KIF18A: variants seen among roughly 807,000 people sequenced by gnomAD.
KIF18A encodes kinesin-like protein KIF18A.
In KIF18A, 67 loss-of-function variants were observed where a neutral mutation model predicts 103.3. The ratio of observed to expected loss-of-function variants is 0.65; its 90% CI spans 0.53 to 0.79. KIF18A has a LOEUF of 0.79. Ranked by LOEUF, KIF18A falls within the 30% of genes least tolerant of loss-of-function variation. The pLI, the probability that KIF18A is intolerant of heterozygous loss-of-function variation, is 0.00. For synonymous variants in KIF18A, 367 were observed against 355.5 expected, an observed-to-expected ratio of 1.03 and a Z score of -0.36; for missense variants, 1,032 against 1,062.5, an observed-to-expected ratio of 0.97 and a Z score of 0.40.
At chr11:28,056,319 T>A (rs568305833) in intron 13 of KIF18A, among the ~76,000 whole-genome samples, 1 of 152,052 alleles carries the variant, frequency 6.6e-6, no homozygotes, top group Non-Finnish European at 1.5e-5. Context: ...ATTGGAAATA[T>A]AGCGACTGAA....
intron 13 of KIF18A, among the ~76,000 whole-genome samples, chr11:28,043,724 C>G (rs1850593577): frequency 6.6e-6 from 1 of 151,550 alleles, no homozygotes; most frequent in Non-Finnish European, 1.5e-5. Context: ...TCAAAGCGCA[C>G]AAACCTCCTG....
chr11:28,106,035 C>A (rs1851499725), intron 1 of KIF18A, among the ~76,000 whole-genome samples: 1 of 152,156 alleles, frequency 6.6e-6, no homozygotes, highest in African/African-American at 2.4e-5. Flanking sequence ...TCAATTCAGT[C>A]AAAGATTCAC....
chr11:28,052,946 TC>T (rs764301095), intron 13 of KIF18A, among the ~76,000 whole-genome samples: 1 of 152,126 alleles, frequency 6.6e-6, no homozygotes, highest in Non-Finnish European at 1.5e-5. Flanking sequence ...AAAAACACAC[TC>T]AACTATATTA....
chr11:28,102,061 T>C (rs1399053337), intron 1 of KIF18A, among the ~76,000 whole-genome samples: 1 of 152,182 alleles, frequency 6.6e-6, no homozygotes. Context: ...GCCTTGAAAT[T>C]GCCCTGCAAA....
intron 11 of KIF18A, among the ~76,000 whole-genome samples, chr11:28,064,736 C>G (rs1223795258): frequency 6.6e-6 from 1 of 152,012 alleles, no homozygotes; most frequent in East Asian, 1.9e-4. Flanking sequence ...AGCCTGTTAA[C>G]TTTGGAAAAT....
intron 13 of KIF18A, among the ~76,000 whole-genome samples, chr11:28,039,842 GAA>G (rs1850537377): frequency 6.6e-6 from 1 of 151,634 alleles, no homozygotes; most frequent in African/African-American, 2.4e-5. Context: ...GGGCCTAGAA[GAA>G]GAGATGCTAC....
chr11:28,107,823 A>C (rs1307875942), intron 1 of KIF18A, among the ~76,000 whole-genome samples: 1 of 152,176 alleles, frequency 6.6e-6, no homozygotes, highest in East Asian at 1.9e-4. Flanking sequence ...CTCAGGACTT[A>C]AGGAGATCCC....
At chr11:28,046,899 A>C (rs2133509367) in intron 13 of KIF18A, among the ~76,000 whole-genome samples, 1 of 150,716 alleles carries the variant, frequency 6.6e-6, no homozygotes, top group East Asian at 2.0e-4. Flanking sequence ...TAAAAATACA[A>C]AAAAATTAGC....
intron 13 of KIF18A, among the ~76,000 whole-genome samples, chr11:28,038,204 T>A (rs1850518492): frequency 6.6e-6 from 1 of 151,604 alleles, no homozygotes; most frequent in Admixed American, 6.6e-5. Context: ...AACAAATTGT[T>A]TCATTAGAAT....
intron 13 of KIF18A, among the ~76,000 whole-genome samples, chr11:28,045,125 C>T (rs1338242707): frequency 6.6e-6 from 1 of 151,836 alleles, no homozygotes; most frequent in Non-Finnish European, 1.5e-5. Context: ...ATAAATTGGG[C>T]ATTTTGATTT....
Position 28,088,189 on chromosome 11 carries a change from C to A in KIF18A, c.897+335G>T, listed in dbSNP as rs149569124. On this transcript the variant is annotated intron_variant, in intron 6 of 16. Coordinates refer to ENST00000263181, the MANE Select transcript of KIF18A (RefSeq NM_031217.4). Reference sequence around the variant, plus strand: ...AAAATATGGTTAGTTTGTCTTCATGCCAATTTAATTAACATGTTTGCTGTG... The same window carrying A: ...AAAATATGGTTAGTTTGTCTTCATGACAATTTAATTAACATGTTTGCTGTG... Among the ~76,000 whole-genome samples, 118 of 151,790 alleles carry A rather than the reference C, an allele frequency of 7.8e-4. 2 individuals are homozygous for A. In the East Asian group the frequency reaches 0.021, roughly 27 times the overall value.
intron 13 of KIF18A, among the ~76,000 whole-genome samples, chr11:28,045,104 T>C (rs1850614467): frequency 6.6e-6 from 1 of 152,056 alleles, no homozygotes; most frequent in Non-Finnish European, 1.5e-5. Flanking sequence ...AATGGTAGTG[T>C]AATAAAAGCA....
Position 28,023,799 on chromosome 11 carries a change from T to C in KIF18A, c.2556A>G (p.Lys852=). The change falls in exon 16 of 17, where the codon AAA becomes AAG. Residue 852 remains lysine (K), a synonymous_variant. Coordinates refer to ENST00000263181, the MANE Select transcript of KIF18A (RefSeq NM_031217.4). ...LTADVNSGFA[K]RVRQDNSSEK... ...CACTTGAATTATCTTGTCGAACACG[T>C]TTGGCAAATCCAGAATTTACGTCTG... The C allele has an allele frequency of 6.2e-7, 1 of 1,613,378 alleles. No individual in the cohort carries two copies. The highest frequency in any genetic ancestry group is 8.5e-7 in the Non-Finnish European group (1 of 1,179,484).
intron 15 of KIF18A, 30 bp from the exon 16 acceptor site, chr11:28,023,880 A>T (rs1850277456): frequency 7.5e-7 from 1 of 1,341,734 alleles, no homozygotes; most frequent in Non-Finnish European, 1.1e-6. Flanking sequence ...AATTTAGTTA[A>T]GCATTTTTTT....
chr11:28,074,951 A>G (rs904930986), intron 10 of KIF18A, among the ~76,000 whole-genome samples: 1 of 152,150 alleles, frequency 6.6e-6, no homozygotes, highest in African/African-American at 2.4e-5. Flanking sequence ...AGTATTTTCA[A>G]AATATTTATT....
rs1850533385 is a variant in KIF18A, at chr11:28,039,484, TA to T, written c.1949-2821del. ...CAAGGGACAAGAATTATAGAGTCAT[TA>T]TTTTTTAAAATACATACTTAGCAGG... On this transcript the variant is annotated intron_variant, in intron 13 of 16. Transcript: ENST00000263181. 2.6e-5 allele frequency among the ~76,000 whole-genome samples: 4 copies of T among 151,896 alleles called. No homozygotes were observed. The South Asian group carries it at 6.2e-4, about 24-fold the overall frequency.
rs1851391645 is a variant in KIF18A at position 28,097,664 on chromosome 11, T to C, written c.284A>G (p.Lys95Arg). The change falls in exon 2 of 17, where the codon AAG (lysine) becomes AGG (arginine). Residue 95 changes from lysine (K) to arginine (R), a missense_variant. Physicochemically the swap from Lys to Arg is conservative, Grantham distance 26. Transcript: ENST00000263181. The part of the protein sequence containing the change: ...TQSEVFEHTT[K>R]PILRSFLNGY... ...ATTCAAAAAACTACGAAGAATTGGC[T>C]TAGTAGTGTGTTCAAAAACTTCTGA... 6.2e-7 allele frequency: 1 copy of C among 1,611,346 alleles called. No individual in the cohort carries two copies. Among genetic ancestry groups the C allele is most frequent in the Admixed American group, 1.7e-5 (1 of 59,824 alleles).
At chr11:28,031,917 A>G (rs1850415267) in intron 15 of KIF18A, among the ~76,000 whole-genome samples, 1 of 151,914 alleles carries the variant, frequency 6.6e-6, no homozygotes, top group African/African-American at 2.4e-5. Context: ...AAGAAAGAAC[A>G]TCCAAATTGG....
chr11:28,092,147 C>G (rs1394590480), intron 3 of KIF18A, among the ~76,000 whole-genome samples: 2 of 152,156 alleles, frequency 1.3e-5, no homozygotes, highest in African/African-American at 2.4e-5. Flanking sequence ...GTATGGAACA[C>G]ACGGTACTGG....
Sources: gnomAD v4.1 joint callset for allele counts (sites outside exome capture counted in the v4.1 genomes callset) on GRCh38, gnomAD v4.1.1 for gene constraint, MANE v1.5 for transcripts, NCBI Gene and HGNC (gene_info 2026-07-23, HGNC 2026-07-21) for gene names.